SEMA3A: variants seen among roughly 807,000 people sequenced by gnomAD.
SEMA3A encodes the protein semaphorin 3A, also known as semaphorin-3A.
SEMA3A carries 29 observed loss-of-function variants against 97.9 expected under a neutral mutation model. The ratio of observed to expected loss-of-function variants is 0.30; its 90% CI spans 0.22 to 0.40. The LOEUF (loss-of-function observed/expected upper bound fraction) is 0.40. Among genes scored for constraint, SEMA3A ranks in the 10% least tolerant of loss-of-function variants. SEMA3A has a pLI of 1.00. For missense variants in SEMA3A, 763 were observed against 951.3 expected (o/e 0.80, Z 2.60); for synonymous variants, 321 against 323.7 (o/e 0.99, Z 0.09).
At chr7:84,326,643 CT>C (rs1801781345) in intron 2 of SEMA3A, among the ~76,000 whole-genome samples, 1 of 151,828 alleles carries the variant, frequency 6.6e-6, no homozygotes, top group Non-Finnish European at 1.5e-5. Context: ...TGAAAATAGT[CT>C]AGAAGGCTGT....
At chr7:84,404,655 T>A (rs1249186244) in intron 1 of SEMA3A, among the ~76,000 whole-genome samples, 1 of 152,108 alleles carries the variant, frequency 6.6e-6, no homozygotes. Flanking sequence ...AAAGGTCGGG[T>A]TACCCAAAAA....
At chr7:84,429,516 T>TTATATATATATATATA (rs10523978) in intron 1 of SEMA3A, among the ~76,000 whole-genome samples, 994 of 72,114 alleles carry the variant, frequency 0.014, 40 homozygotes, top group African/African-American at 0.021. Flanking sequence ...ATAGAGTTTG[T>TTATATATATATATATA]TATATATATA....
At chr7:83,995,335 C>G (rs1362484152) in intron 12 of SEMA3A, among the ~76,000 whole-genome samples, 1 of 152,004 alleles carries the variant, frequency 6.6e-6, no homozygotes, top group Non-Finnish European at 1.5e-5. Flanking sequence ...CATCTTGGCT[C>G]CTCCCCCCAA....
intron 1 of SEMA3A, among the ~76,000 whole-genome samples, chr7:84,417,720 G>A (rs140790676): frequency 3.9e-5 from 6 of 152,002 alleles, no homozygotes; most frequent in Admixed American, 6.6e-5. Flanking sequence ...TAGACATGAA[G>A]GATATAGTAA....
chr7:84,401,271 C>T (rs1003210072), intron 1 of SEMA3A, among the ~76,000 whole-genome samples: 4 of 151,836 alleles, frequency 2.6e-5, no homozygotes, highest in African/African-American at 7.3e-5. Flanking sequence ...AAAATAGCTA[C>T]AAAAAATACC....
chr7:84,159,137 C>A (rs1796945968), intron 1 of SEMA3A, among the ~76,000 whole-genome samples: 1 of 152,018 alleles, frequency 6.6e-6, no homozygotes, highest in Non-Finnish European at 1.5e-5. Context: ...AAAGGGACTG[C>A]ATATTCTGTC....
At chr7:84,217,258 T>C (rs71558719) in intron 3 of SEMA3A, among the ~76,000 whole-genome samples, 8,676 of 152,236 alleles carry the variant, frequency 0.057, 282 homozygotes, top group Middle Eastern at 0.096. Context: ...CATCTGTTTA[T>C]AACTTCCTCC....
At chr7:84,051,483 G>A (rs1455033586) in intron 5 of SEMA3A, among the ~76,000 whole-genome samples, 3 of 152,118 alleles carry the variant, frequency 2.0e-5, no homozygotes, top group Non-Finnish European at 4.4e-5. Context: ...TTGTGAATGG[G>A]AGTTCACTCA....
intron 3 of SEMA3A, among the ~76,000 whole-genome samples, chr7:84,114,446 C>A (rs999397198): frequency 2.0e-5 from 3 of 152,008 alleles, no homozygotes; most frequent in African/African-American, 7.2e-5. Context: ...GTGAGAATTC[C>A]TGTAAAAAGA....
rs150906874 is a variant in SEMA3A at position 84,332,004 on chromosome 7, T to G, written c.-168-24712A>C. Among the ~76,000 whole-genome samples, 3 of 152,292 alleles carry G rather than the reference T, an allele frequency of 2.0e-5. No individual in the cohort carries two copies. The East Asian group carries it at 5.8e-4, about 29-fold the overall frequency. On this transcript the variant is annotated intron_variant, in intron 2 of 3. Transcript: ENST00000424555. ...CATCAATCTAAAAAAGTAAAAGTCCTGACTCCTGGTCATTTCTTTCAGCTT... is the reference window on the plus strand; with the variant it reads ...CATCAATCTAAAAAAGTAAAAGTCCGGACTCCTGGTCATTTCTTTCAGCTT...
intron 1 of SEMA3A, among the ~76,000 whole-genome samples, chr7:84,461,098 A>C (rs1805827263): frequency 6.6e-6 from 1 of 152,194 alleles, no homozygotes; most frequent in African/African-American, 2.4e-5. Flanking sequence ...AAGGAATGTT[A>C]CTTATTAAAA....
At chr7:83,969,769 GATGACTAATC>G (rs2116281093) in intron 15 of SEMA3A, among the ~76,000 whole-genome samples, 1 of 152,258 alleles carries the variant, frequency 6.6e-6, no homozygotes, top group East Asian at 1.9e-4. Context: ...GGGAGATAAT[GATGACTAATC>G]ATGTCTACTC....
intron 12 of SEMA3A, among the ~76,000 whole-genome samples, chr7:83,987,742 T>C (rs1163554836): frequency 6.6e-6 from 1 of 152,228 alleles, no homozygotes; most frequent in Admixed American, 6.5e-5. Flanking sequence ...CTGTCTTTCT[T>C]CCATTTAATT....
chr7:84,199,559 T>C (rs1798306846), upstream of SEMA3A, among the ~76,000 whole-genome samples: 1 of 151,024 alleles, frequency 6.6e-6, no homozygotes, highest in African/African-American at 2.5e-5. Flanking sequence ...CAACATCTGT[T>C]ATTTCCGTTT....
At chr7:84,275,039 T>G (rs2115718859) in intron 3 of SEMA3A, among the ~76,000 whole-genome samples, 1 of 152,230 alleles carries the variant, frequency 6.6e-6, no homozygotes, top group South Asian at 2.1e-4. Context: ...TGCCACTTAA[T>G]AAGTCTGATC....
chr7:84,433,674 A>G (rs941542398), intron 1 of SEMA3A, among the ~76,000 whole-genome samples: 1 of 152,116 alleles, frequency 6.6e-6, no homozygotes, highest in Admixed American at 6.6e-5. Context: ...CAATGGTTGA[A>G]CTAATTTACA....
chr7:84,238,012 G>T (rs1000158057), intron 3 of SEMA3A, among the ~76,000 whole-genome samples: 2 of 152,108 alleles, frequency 1.3e-5, no homozygotes, highest in African/African-American at 4.8e-5. Flanking sequence ...AAGGAAGCCA[G>T]ATTTGGTGGA....
chr7:84,453,982 C>A (rs1805627596), intron 1 of SEMA3A, among the ~76,000 whole-genome samples: 1 of 152,070 alleles, frequency 6.6e-6, no homozygotes, highest in Non-Finnish European at 1.5e-5. Context: ...AGTAGGTGGA[C>A]TTATAAATTA....
At chr7:84,105,090 AAAAT>A (rs1583974474) in intron 4 of SEMA3A, among the ~76,000 whole-genome samples, 1 of 152,298 alleles carries the variant, frequency 6.6e-6, no homozygotes, top group East Asian at 1.9e-4. Flanking sequence ...AGCATGCTAC[AAAAT>A]AAATACAGAC....
Sources: allele counts gnomAD v4.1 joint callset (sites outside exome capture counted in the v4.1 genomes callset), GRCh38; gene constraint gnomAD v4.1.1; transcripts MANE v1.5; gene names NCBI Gene and HGNC (gene_info 2026-07-23, HGNC 2026-07-21).